Variants in ELF2 observed in about 807,000 individuals in gnomAD.
The protein encoded by ELF2 is E74 like ETS transcription factor 2, also known as ETS-related transcription factor Elf-2.
ELF2 carries 11 observed loss-of-function variants against 54.8 expected under a neutral mutation model. The observed-to-expected ratio is 0.20, with a 90% CI of 0.13 to 0.33. ELF2 has a LOEUF of 0.33. Among genes scored for constraint, ELF2 ranks in the 10% least tolerant of loss-of-function variants. ELF2 has a pLI of 1.00. For synonymous variants in ELF2, 203 were observed against 245.1 expected (o/e 0.83, Z 1.61); for missense variants, 513 against 703.0 (o/e 0.73, Z 3.06).
rs1553957930 is a variant in ELF2, at chr4:139,084,441, C to CAGG, written c.239-10875_239-10874insCCT. The stretch of plus-strand genomic sequence containing the variant: ...GGGGCAGGGGCGGCAGGGGCAGGGG[C>CAGG]GGCGGCGGCGGCGGCGGCGGCTGTG... On this transcript the variant is annotated intron_variant, in intron 4 of 9. Transcript: ENST00000686138. 193 of 1,062,754 alleles carry CAGG rather than the reference C, an allele frequency of 1.8e-4. No homozygotes were observed. In the African/African-American group the frequency reaches 2.1e-3, roughly 11 times the overall value. 65.8% of individuals were successfully genotyped at this position (1,062,754 alleles called of 1,614,324 possible).
At chr4:139,097,730 A>G (rs528834686) in intron 4 of ELF2, among the ~76,000 whole-genome samples, 2 of 151,928 alleles carry the variant, frequency 1.3e-5, no homozygotes, top group South Asian at 2.1e-4. Context: ...TTAGTTTCCA[A>G]TATTATTATT....
At chr4:139,153,778 A>C (rs1464299239) in intron 1 of ELF2, among the ~76,000 whole-genome samples, 1 of 152,170 alleles carries the variant, frequency 6.6e-6, no homozygotes, top group East Asian at 1.9e-4. Flanking sequence ...ACCCAAAACA[A>C]AGGCATACTT....
At chr4:139,107,443 C>T (rs1023181918) in intron 4 of ELF2, among the ~76,000 whole-genome samples, 3 of 152,146 alleles carry the variant, frequency 2.0e-5, no homozygotes, top group African/African-American at 7.2e-5. Context: ...ATTACTCTGA[C>T]TTTATCATCA....
intron 1 of ELF2, among the ~76,000 whole-genome samples, chr4:139,166,651 A>G (rs977425214): frequency 6.6e-6 from 1 of 151,994 alleles, no homozygotes; most frequent in African/African-American, 2.4e-5. Context: ...GGCGGATCAC[A>G]AGGTCAGGAG....
intron 1 of ELF2, 47 bp from the exon 2 acceptor site, chr4:139,139,544 AAAAGCAC>A: frequency 9.7e-7 from 1 of 1,035,236 alleles, no homozygotes. Flanking sequence ...AATTATATTA[AAAAGCAC>A]TATGCTCAAA....
chr4:139,133,691 ACTC>A (rs1737800177), intron 3 of ELF2, among the ~76,000 whole-genome samples: 2 of 150,020 alleles, frequency 1.3e-5, no homozygotes, highest in Non-Finnish European at 3.0e-5. Context: ...CTGCACCTGA[ACTC>A]CTGGGCTCAA....
At position 139,122,305 on chromosome 4, in the gene ELF2, T is replaced by C. The variant is rs143283695; in HGVS notation, c.238+2859A>G. Among the ~76,000 whole-genome samples the C allele has an allele frequency of 9.1e-3, 1,379 of 152,322 alleles. 16 individuals are homozygous for C. The highest frequency in any genetic ancestry group is 0.027 in the Middle Eastern group (8 of 294). ...CTTTTCTTCCCAGTCAGCTTCTTCTTTAAAACCTACATGTATCTGTAATCT... is the reference window on the plus strand; with the variant it reads ...CTTTTCTTCCCAGTCAGCTTCTTCTCTAAAACCTACATGTATCTGTAATCT... On this transcript the variant is annotated intron_variant, in intron 4 of 9. Transcript: ENST00000686138.
chr4:139,118,780 C>G (rs1045250965), intron 4 of ELF2, among the ~76,000 whole-genome samples: 2 of 151,832 alleles, frequency 1.3e-5, no homozygotes, highest in African/African-American at 4.8e-5. Flanking sequence ...AAAGTCCTGT[C>G]TATACTTGAA....
chr4:139,143,692 G>A lies in ELF2; in HGVS notation c.-251-4195C>T, dbSNP rs567236315. On this transcript the variant is annotated intron_variant, in intron 1 of 9. Coordinates refer to ENST00000686138, the MANE Select transcript of ELF2 (RefSeq NM_001331036.3). ...CCCAGTTACTCGGGAGGCTGAGGCA[G>A]GAGCTCGAGCTCGGGAGGCGGAGGT... is the stretch of plus-strand genomic sequence containing the variant. 2.6e-5 allele frequency among the ~76,000 whole-genome samples: 4 copies of A among 152,290 alleles called. No homozygotes were observed. In the East Asian group the frequency reaches 7.7e-4, roughly 29 times the overall value.
intron 1 of ELF2, among the ~76,000 whole-genome samples, chr4:139,150,902 G>A (rs1739810619): frequency 6.6e-6 from 1 of 151,742 alleles, no homozygotes; most frequent in Non-Finnish European, 1.5e-5. Flanking sequence ...GCGGGCGCCT[G>A]TAGTCCCAGC....
intron 7 of ELF2, among the ~76,000 whole-genome samples, chr4:139,065,285 C>T (rs990792522): frequency 1.3e-5 from 2 of 152,072 alleles, no homozygotes; most frequent in East Asian, 3.9e-4. Flanking sequence ...TGAGAATAGC[C>T]TAGGCAACAT....
rs1553971372 is a variant in ELF2, at chr4:139,151,068, G to GAAAGAAAGA, written c.-251-11580_-251-11572dup. Among the ~76,000 whole-genome samples the GAAAGAAAGA allele has an allele frequency of 3.0e-5, 4 of 134,404 alleles. 1 individual carries two copies. Among genetic ancestry groups the GAAAGAAAGA allele is most frequent in the African/African-American group, 1.2e-4 (4 of 33,122 alleles). 88.2% of individuals were successfully genotyped at this position (134,404 alleles called of 152,430 possible). A position where few individuals can be genotyped will look rare whatever the true frequency, so the allele number is the denominator to read the frequency against. ...AGAAAGAAAGAAAGAAAGAAAGAAA[G>GAAAGAAAGA]AAAGAAAGAAAGAAAGAAAGAAAGA... On this transcript the variant is annotated intron_variant, in intron 1 of 9. Coordinates refer to ENST00000686138, the MANE Select transcript of ELF2 (RefSeq NM_001331036.3).
chr4:139,116,811 A>G, intron 4 of ELF2: 1 of 743,540 alleles, frequency 1.3e-6, no homozygotes, highest in Non-Finnish European at 1.6e-6. Context: ...AGGATTTCTG[A>G]TGGTATAACA....
chr4:139,149,587 C>A (rs2148881406), intron 1 of ELF2, among the ~76,000 whole-genome samples: 1 of 152,254 alleles, frequency 6.6e-6, no homozygotes, highest in East Asian at 1.9e-4. Context: ...GCACTCCAGC[C>A]TGGGCGACAG....
intron 4 of ELF2, among the ~76,000 whole-genome samples, chr4:139,088,623 A>G (rs1004123441): frequency 6.6e-6 from 1 of 152,068 alleles, no homozygotes; most frequent in Non-Finnish European, 1.5e-5. Flanking sequence ...CCACTTCTAC[A>G]CAACCGTTAA....
intron 8 of ELF2, 105 bp downstream of exon 8, chr4:139,061,760 A>G: frequency 4.5e-6 from 6 of 1,342,594 alleles, no homozygotes; most frequent in Non-Finnish European, 6.1e-6. Flanking sequence ...AATATCCCCC[A>G]AAGTTAAAAG....
intron 4 of ELF2, among the ~76,000 whole-genome samples, chr4:139,112,782 A>C (rs1051681710): frequency 1.3e-5 from 2 of 152,064 alleles, no homozygotes; most frequent in Non-Finnish European, 2.9e-5. Flanking sequence ...AAAGTTAACT[A>C]GTGTTTCTTT....
At position 139,059,077 on chromosome 4, in the gene ELF2, T is replaced by A; in HGVS notation, c.1688A>T (p.Lys563Met). 6.2e-7 allele frequency: 1 copy of A among 1,613,978 alleles called. No homozygotes were observed. The highest frequency in any genetic ancestry group is 8.5e-7 in the Non-Finnish European group (1 of 1,179,862). Residue 563 changes from lysine (K) to methionine (M), a missense_variant, in exon 10 of 10, where the codon AAG becomes ATG. Transcript: ENST00000686138. ...GACAACCACTACGTGGGTCACTGTC[T>A]TATTTCCATCTGCTGGTTTTTCTTC... The part of the protein sequence containing the change: ...LVEEKPADGN[K>M]TVTHVVVVSA...
intron 3 of ELF2, among the ~76,000 whole-genome samples, chr4:139,131,333 C>A (rs1178719163): frequency 1.3e-5 from 2 of 152,184 alleles, no homozygotes; most frequent in African/African-American, 2.4e-5. Context: ...ATCTCAAAAA[C>A]TTCCATTTAA....
Sources: allele counts gnomAD v4.1 joint callset (sites outside exome capture counted in the v4.1 genomes callset), GRCh38; gene constraint gnomAD v4.1.1; transcripts MANE v1.5; gene names NCBI Gene and HGNC (gene_info 2026-07-23, HGNC 2026-07-21).